Variants in AGT observed in about 807,000 individuals in gnomAD.
The protein encoded by AGT is alpha-1 antiproteinase, antitrypsin.
A neutral mutation model predicts 28.1 loss-of-function variants in AGT; 26 were observed. The observed-to-expected ratio is 0.92, with a 90% CI of 0.68 to 1.28. The LOEUF (loss-of-function observed/expected upper bound fraction) is 1.28, where lower values mean the gene tolerates loss of function less well. Among genes scored for constraint, AGT ranks in the 50% most tolerant of loss-of-function variants. The probability of loss-of-function intolerance (pLI) is 0.00; values close to 1 mark genes in which losing one functional copy is unlikely to be tolerated. For missense variants in AGT, 596 were observed against 592.3 expected (o/e 1.01, Z -0.06); for synonymous variants, 259 against 259.6 (o/e 1.00, Z 0.02).
intron 2 of AGT, among the ~76,000 whole-genome samples, chr1:230,709,563 CCTT>C (rs1341450856): frequency 2.6e-5 from 4 of 152,190 alleles, no homozygotes; most frequent in African/African-American, 7.2e-5. Context: ...CAGTTCCTGA[CCTT>C]CTCAAGAGAT....
At chr1:230,743,522 C>A (rs1277216088) in intron 1 of AGT, among the ~76,000 whole-genome samples, 1 of 152,240 alleles carries the variant, frequency 6.6e-6, no homozygotes, top group Non-Finnish European at 1.5e-5. Flanking sequence ...ACCTGGACAC[C>A]TGTGCAGGTC....
intron 1 of AGT, among the ~76,000 whole-genome samples, chr1:230,736,718 T>C (rs990579348): frequency 3.9e-5 from 6 of 152,104 alleles, no homozygotes; most frequent in African/African-American, 1.4e-4. Context: ...TGGTATCCTA[T>C]CTAATCCAAT....
intron 1 of AGT, among the ~76,000 whole-genome samples, chr1:230,741,737 C>T (rs1664252299): frequency 6.6e-6 from 1 of 152,132 alleles, no homozygotes. Context: ...AGATCTAGTT[C>T]TCATCTTCTA....
Position 230,704,206 on chromosome 1 carries a change from A to G in AGT, c.1229T>C (p.Ile410Thr). The change falls in exon 4 of 5, where the codon ATC becomes ACC. Residue 410 changes from isoleucine (I) to threonine (T), a missense_variant. Transcript: ENST00000366667. Reference protein sequence around the residue: ...LNLQKLSNDRIRVGEVLNSIF... With the variant: ...LNLQKLSNDRTRVGEVLNSIF... ...GCTCACACATACCTCCCCCACCCTG[A>G]TGCGGTCATTGCTCAATTTTTGCAG... 1 of 1,614,192 alleles carries G rather than the reference A, an allele frequency of 6.2e-7. No homozygotes were observed. Among genetic ancestry groups the G allele is most frequent in the Non-Finnish European group, 8.5e-7 (1 of 1,180,040 alleles).
intron 1 of AGT, among the ~76,000 whole-genome samples, chr1:230,723,063 C>A (rs1663877120): frequency 6.6e-6 from 1 of 152,186 alleles, no homozygotes; most frequent in Non-Finnish European, 1.5e-5. Flanking sequence ...GTGACTGGAT[C>A]ATGGGGACGA....
intron 1 of AGT, among the ~76,000 whole-genome samples, chr1:230,734,293 A>G (rs1014540702): frequency 6.6e-6 from 1 of 152,206 alleles, no homozygotes; most frequent in African/African-American, 2.4e-5. Flanking sequence ...CAGTCACAAC[A>G]AGACAAATGC....
intron 1 of AGT, among the ~76,000 whole-genome samples, chr1:230,742,203 G>A (rs1664259934): frequency 6.6e-6 from 1 of 152,056 alleles, no homozygotes; most frequent in African/African-American, 2.4e-5. Context: ...ATTATGAGTA[G>A]ATCTTTGTGT....
At chr1:230,715,194 C>A (rs2071404), upstream of AGT, among the ~76,000 whole-genome samples, 22,143 of 152,166 alleles carry the variant, frequency 0.15, 1,758 homozygotes, top group African/African-American at 0.21. Flanking sequence ...ACTGAACAAT[C>A]AACAAACACA....
chr1:230,730,184 G>C lies in AGT; in HGVS notation c.-31+15331C>G, dbSNP rs1278082322. On this transcript the variant is annotated intron_variant, in intron 1 of 4. Transcript: ENST00000681269. The stretch of plus-strand genomic sequence containing the variant: ...GATCCACCTGCCTCAGCCTCCCACA[G>C]TGCTGGGATTACAGGTGTGAGCTAC... Among the ~76,000 whole-genome samples the C allele has an allele frequency of 2.6e-5, 4 of 151,868 alleles. No individual in the cohort carries two copies. The East Asian group carries it at 8.0e-4, about 30-fold the overall frequency.
chr1:230,708,586 C>T (rs958637822), intron 2 of AGT, among the ~76,000 whole-genome samples: 14 of 152,130 alleles, frequency 9.2e-5, no homozygotes, highest in African/African-American at 3.4e-4. Context: ...AATCACTATG[C>T]GCCACTGAAC....
chr1:230,710,249 G>C lies in AGT; in HGVS notation c.575C>G (p.Ala192Gly), dbSNP rs1663538196. ...LVAQGRADSQAQLLLSTVVGV... is the reference protein window; with the variant it reads ...LVAQGRADSQGQLLLSTVVGV... The stretch of plus-strand genomic sequence containing the variant: ...CACCACCGTGGACAGCAGCAGCTGG[G>C]CCTGGCTATCAGCCCTGCCCTGGGC... The change falls in exon 2 of 5, where the codon GCC becomes GGC. Residue 192 changes from alanine (A) to glycine (G), a missense_variant. Coordinates refer to ENST00000366667, the MANE Select transcript of AGT (RefSeq NM_001384479.1). The C allele has an allele frequency of 1.2e-6, 2 of 1,613,516 alleles. No individual in the cohort carries two copies. Among genetic ancestry groups the C allele is most frequent in the South Asian group, 2.2e-5 (2 of 91,066 alleles).
intron 2 of AGT, among the ~76,000 whole-genome samples, chr1:230,708,443 C>T (rs1236356056): frequency 6.6e-6 from 1 of 152,180 alleles, no homozygotes; most frequent in African/African-American, 2.4e-5. Context: ...GTGCTGCCAC[C>T]CTCAACCGGG....
intron 1 of AGT, among the ~76,000 whole-genome samples, chr1:230,736,333 C>T (rs1299348034): frequency 6.6e-6 from 1 of 152,044 alleles, no homozygotes. Context: ...ACCATCCTGG[C>T]TAACACGGTG....
intron 1 of AGT, among the ~76,000 whole-genome samples, chr1:230,726,312 CAG>C (rs1189742753): frequency 6.6e-6 from 1 of 152,094 alleles, no homozygotes; most frequent in Non-Finnish European, 1.5e-5. Context: ...ACAGAGAAGA[CAG>C]ATCTCAGTTA....
intron 1 of AGT, among the ~76,000 whole-genome samples, chr1:230,743,848 G>T (rs1209527071): frequency 6.6e-6 from 1 of 152,226 alleles, no homozygotes; most frequent in Admixed American, 6.5e-5. Flanking sequence ...CCTTCAAGAT[G>T]AACAAGAAGA....
chr1:230,717,495 G>A (rs560446223), upstream of AGT, among the ~76,000 whole-genome samples: 1 of 152,306 alleles, frequency 6.6e-6, no homozygotes, highest in East Asian at 1.9e-4. Context: ...AAAGAATGAA[G>A]GGTAAATACA....
rs915895894 is a variant in AGT at position 230,710,304 on chromosome 1, C to G, written c.520G>C (p.Ala174Pro). The change falls in exon 2 of 5, where the codon GCC becomes CCC. Residue 174 changes from alanine (A) to proline (P), a missense_variant. By Grantham distance (27) the Ala-to-Pro change is conservative. Coordinates refer to ENST00000366667, the MANE Select transcript of AGT (RefSeq NM_001384479.1). ...SRLDAHKVLSALQAVQGLLVA... is the reference protein window; with the variant it reads ...SRLDAHKVLSPLQAVQGLLVA... The stretch of plus-strand genomic sequence containing the variant: ...AGCAGGCCCTGTACAGCCTGCAGGG[C>G]AGACAGGACCTTGTGCGCATCCAGC... 5.6e-6 allele frequency: 9 copies of G among 1,613,876 alleles called. No individual in the cohort carries two copies. Among genetic ancestry groups the G allele is most frequent in the Admixed American group, 5.0e-5 (3 of 60,016 alleles).
chr1:230,715,096 C>T (rs1032276688), upstream of AGT, among the ~76,000 whole-genome samples: 4 of 152,058 alleles, frequency 2.6e-5, no homozygotes, highest in Admixed American at 2.6e-4. Context: ...CGATGGCAGA[C>T]ATGAAATTAC....
At chr1:230,706,690 C>T (rs996246156) in intron 2 of AGT, among the ~76,000 whole-genome samples, 3 of 152,324 alleles carry the variant, frequency 2.0e-5, no homozygotes, top group South Asian at 4.1e-4. Context: ...CAGCCTCCCC[C>T]GTGATCAACA....
Sources: allele counts gnomAD v4.1 joint callset (sites outside exome capture counted in the v4.1 genomes callset), GRCh38; gene constraint gnomAD v4.1.1; transcripts MANE v1.5; gene names NCBI Gene and HGNC (gene_info 2026-07-23, HGNC 2026-07-21).